Variants in FLRT2 observed in about 807,000 individuals in gnomAD.
FLRT2 encodes the protein fibronectin leucine rich transmembrane protein 2, also known as leucine-rich repeat transmembrane protein FLRT2.
In FLRT2, 15 loss-of-function variants were observed where a neutral mutation model predicts 40.0. The observed-to-expected ratio is 0.38, with a 90% CI of 0.25 to 0.58. The LOEUF (loss-of-function observed/expected upper bound fraction) is 0.58, where lower values mean the gene tolerates loss of function less well. Among genes scored for constraint, FLRT2 ranks in the 20% least tolerant of loss-of-function variants. The pLI is 0.71. For synonymous variants in FLRT2, 380 were observed against 336.8 expected, an observed-to-expected ratio of 1.13 and a Z score of -1.41; for missense variants, 726 against 840.0, an observed-to-expected ratio of 0.86 and a Z score of 1.68.
chr14:85,648,223 T>G lies in FLRT2; in HGVS notation c.*24726T>G, dbSNP rs1894354440. ...CAGGTGCATGTTGTTATTGCTACTTTTTTCAAGTCTAAGTTCTAGGTACAA... is the reference window on the plus strand; with the variant it reads ...CAGGTGCATGTTGTTATTGCTACTTGTTTCAAGTCTAAGTTCTAGGTACAA... On this transcript the variant is annotated 3_prime_UTR_variant, in exon 2 of 2. Transcript: ENST00000330753. 1 of 152,138 alleles carries G rather than the reference T, an allele frequency of 6.6e-6. No homozygotes were observed. Among genetic ancestry groups the G allele is most frequent in the Non-Finnish European group, 1.5e-5 (1 of 68,038 alleles). 9.4% of individuals were successfully genotyped at this position (152,138 alleles called of 1,614,324 possible).
At position 85,645,156 on chromosome 14, in the gene FLRT2, A is replaced by G. The variant is rs1894261736; in HGVS notation, c.*21659A>G. ...CATCAAGTAAAAAGTATATATATAC[A>G]CACATATGTGTGTATGTATATGTAT... On this transcript the variant is annotated 3_prime_UTR_variant, in exon 2 of 2. Coordinates refer to ENST00000330753, the MANE Select transcript of FLRT2 (RefSeq NM_013231.6). The G allele has an allele frequency of 7.6e-6, 1 of 131,986 alleles. No homozygotes were observed. Among genetic ancestry groups the G allele is most frequent in the Non-Finnish European group, 1.8e-5 (1 of 56,660 alleles). The allele number at this position is 131,986 out of a possible 1,614,324, so 8.2% of individuals were successfully genotyped here.
chr14:85,616,744 C>G (rs1306220034), intron 1 of FLRT2, among the ~76,000 whole-genome samples: 1 of 152,176 alleles, frequency 6.6e-6, no homozygotes, highest in African/African-American at 2.4e-5. Context: ...GTTAAGAACT[C>G]TTTACATAGA....
chr14:85,617,864 A>T (rs988848112), intron 1 of FLRT2, among the ~76,000 whole-genome samples: 7 of 152,190 alleles, frequency 4.6e-5, no homozygotes, highest in African/African-American at 1.7e-4. Context: ...TGTGGTCTAG[A>T]TGGGACTTTT....
chr14:85,584,712 T>C (rs1891541426), intron 1 of FLRT2, among the ~76,000 whole-genome samples: 1 of 152,102 alleles, frequency 6.6e-6, no homozygotes, highest in Non-Finnish European at 1.5e-5. Flanking sequence ...GACACAGGGT[T>C]CTAAGTGGTA....
At chr14:85,540,842 G>T (rs1335093143) in intron 1 of FLRT2, among the ~76,000 whole-genome samples, 1 of 152,030 alleles carries the variant, frequency 6.6e-6, no homozygotes, top group Non-Finnish European at 1.5e-5. Context: ...AATACCTTTT[G>T]TACTGGCAGT....
At chr14:85,576,795 C>A (rs562113347) in intron 1 of FLRT2, among the ~76,000 whole-genome samples, 36 of 152,344 alleles carry the variant, frequency 2.4e-4, no homozygotes, top group Non-Finnish European at 4.7e-4. Context: ...ATTGTAGACA[C>A]ACCTTGAAAG....
Position 85,621,422 on chromosome 14 carries a change from C to A in FLRT2, c.-93C>A. 8.1e-7 allele frequency: 1 copy of A among 1,228,002 alleles called. No individual in the cohort carries two copies. The highest frequency in any genetic ancestry group is 1.1e-6 in the Non-Finnish European group (1 of 894,500). 76.1% of individuals were successfully genotyped at this position (1,228,002 alleles called of 1,614,324 possible). The stretch of plus-strand genomic sequence containing the variant: ...CTCTAGCTGGAGTTCTGGACTTCAA[C>A]AGAACCCCATCCAGTCATTTTGATT... On this transcript the variant is annotated 5_prime_UTR_variant, in exon 2 of 2. Transcript: ENST00000330753.
At chr14:85,574,594 C>G (rs190030275) in intron 1 of FLRT2, among the ~76,000 whole-genome samples, 39 of 152,202 alleles carry the variant, frequency 2.6e-4, no homozygotes, top group Middle Eastern at 3.4e-3. Flanking sequence ...CTTTTCTTCT[C>G]TTTCTGTTGC....
chr14:85,533,233 G>C (rs999040435), intron 1 of FLRT2, among the ~76,000 whole-genome samples: 2 of 152,114 alleles, frequency 1.3e-5, no homozygotes, highest in Admixed American at 6.5e-5. Context: ...GGAGGAGCGC[G>C]GGAGCTGCGG....
At position 85,607,657 on chromosome 14, in the gene FLRT2, A is replaced by G. The variant is rs889669836; in HGVS notation, c.-376-13482A>G. Among the ~76,000 whole-genome samples the G allele has an allele frequency of 2.6e-5, 4 of 152,316 alleles. No individual in the cohort carries two copies. In the South Asian group the frequency reaches 8.3e-4, roughly 32 times the overall value. ...GTTTACAAACAAGTTTTTGCTTTGC[A>G]GTCCTTCTATGAGAGTTGGTTGTAA... is the stretch of plus-strand genomic sequence containing the variant. On this transcript the variant is annotated intron_variant, in intron 1 of 1. Coordinates refer to ENST00000330753, the MANE Select transcript of FLRT2 (RefSeq NM_013231.6).
At chr14:85,556,035 A>G (rs1344679888) in intron 1 of FLRT2, among the ~76,000 whole-genome samples, 1 of 152,242 alleles carries the variant, frequency 6.6e-6, no homozygotes, top group Non-Finnish European at 1.5e-5. Context: ...GCATGTAATT[A>G]AGAAATTTAC....
Position 85,626,800 on chromosome 14 carries a change from T to C in FLRT2, c.*3303T>C, listed in dbSNP as rs916477301. 1.8e-5 allele frequency: 3 copies of C among 167,100 alleles called. No homozygotes were observed. Among genetic ancestry groups the C allele is most frequent in the Admixed American group, 6.5e-5 (1 of 15,288 alleles). 10.4% of individuals were successfully genotyped at this position (167,100 alleles called of 1,614,324 possible). The stretch of plus-strand genomic sequence containing the variant: ...TTGAAAATATATTAGACATTCTCCC[T>C]GAGGTTAAAAACAAAAAGTACGTGA... On this transcript the variant is annotated 3_prime_UTR_variant, in exon 2 of 2. Coordinates refer to ENST00000330753, the MANE Select transcript of FLRT2 (RefSeq NM_013231.6).
rs1555373579 is a variant in FLRT2, at chr14:85,643,354, T to TCTTTCTTTCTTCCTTC, written c.*19860_*19861insTCTTTCTTCCTTCCTT. 1.6e-3 allele frequency: 72 copies of TCTTTCTTTCTTCCTTC among 46,062 alleles called. No homozygotes were observed. Among genetic ancestry groups the TCTTTCTTTCTTCCTTC allele is most frequent in the East Asian group, 4.5e-3 (7 of 1,564 alleles). 2.9% of individuals were successfully genotyped at this position (46,062 alleles called of 1,614,324 possible). A position where few individuals can be genotyped will look rare whatever the true frequency, so the allele number is the denominator to read the frequency against. ...TTCTTTCTTTCTTTCTTTCTTTCTT[T>TCTTTCTTTCTTCCTTC]CTTCCTTCCTTCCTTCCTTCCTTTC... is the stretch of plus-strand genomic sequence containing the variant. On this transcript the variant is annotated 3_prime_UTR_variant, in exon 2 of 2. Coordinates refer to ENST00000330753, the MANE Select transcript of FLRT2 (RefSeq NM_013231.6).
At chr14:85,611,601 T>C (rs191068520) in intron 1 of FLRT2, among the ~76,000 whole-genome samples, 6 of 152,234 alleles carry the variant, frequency 3.9e-5, no homozygotes, top group Admixed American at 2.0e-4. Flanking sequence ...TGTAGTACTT[T>C]ATAAGATGAA....
Position 85,641,670 on chromosome 14 carries a change from A to G in FLRT2, c.*18173A>G, listed in dbSNP as rs1009669258. 6.6e-6 allele frequency: 1 copy of G among 152,240 alleles called. No homozygotes were observed. The highest frequency in any genetic ancestry group is 1.5e-5 in the Non-Finnish European group (1 of 68,054). 9.4% of individuals were successfully genotyped at this position (152,240 alleles called of 1,614,324 possible). A position where few individuals can be genotyped will look rare whatever the true frequency, so the allele number is the denominator to read the frequency against. ...ATATTAAATACCTCTCCTGCTTTGA[A>G]TAAATGGAATAATTTCTGTTTCCTG... On this transcript the variant is annotated 3_prime_UTR_variant, in exon 2 of 2. Transcript: ENST00000330753.
chr14:85,639,001 A>G lies in FLRT2; in HGVS notation c.*15504A>G, dbSNP rs951948581. ...TTATCAACTCTATCTGAAAATAAAA[A>G]TGTCCAAGAAAATGACAATCAAAAC... On this transcript the variant is annotated 3_prime_UTR_variant, in exon 2 of 2. Coordinates refer to ENST00000330753, the MANE Select transcript of FLRT2 (RefSeq NM_013231.6). The G allele has an allele frequency of 2.0e-5, 3 of 152,262 alleles. No individual in the cohort carries two copies. Among genetic ancestry groups the G allele is most frequent in the African/African-American group, 7.2e-5 (3 of 41,476 alleles). The allele number at this position is 152,262 out of a possible 1,614,324, so 9.4% of individuals were successfully genotyped here. A position where few individuals can be genotyped will look rare whatever the true frequency, so the allele number is the denominator to read the frequency against.
At chr14:85,564,223 G>A (rs533461048) in intron 1 of FLRT2, among the ~76,000 whole-genome samples, 13 of 152,226 alleles carry the variant, frequency 8.5e-5, no homozygotes, top group Admixed American at 4.6e-4. Context: ...CATAACCCAC[G>A]AATTGATTTG....
At chr14:85,542,270 G>T (rs1256888805) in intron 1 of FLRT2, among the ~76,000 whole-genome samples, 5 of 151,998 alleles carry the variant, frequency 3.3e-5, no homozygotes, top group African/African-American at 1.2e-4. Context: ...AAAATACATG[G>T]TACTGGGGTT....
intron 1 of FLRT2, among the ~76,000 whole-genome samples, chr14:85,600,590 G>A (rs919481420): frequency 6.6e-6 from 1 of 152,176 alleles, no homozygotes; most frequent in African/African-American, 2.4e-5. Context: ...TCCTTGCAGA[G>A]AAGTCAAGGC....
Sources: allele counts gnomAD v4.1 joint callset (sites outside exome capture counted in the v4.1 genomes callset), GRCh38; gene constraint gnomAD v4.1.1; transcripts MANE v1.5; gene names NCBI Gene and HGNC (gene_info 2026-07-23, HGNC 2026-07-21).